Variants in KCNAB1 observed in about 807,000 individuals in gnomAD.
KCNAB1 encodes voltage-gated potassium channel subunit beta-1.
In KCNAB1, 35 loss-of-function variants were observed where a neutral mutation model predicts 64.6. The observed-to-expected ratio is 0.54, with a 90% CI of 0.41 to 0.72. The LOEUF is 0.72. KCNAB1 is among the 30% of genes least tolerant of loss of function. The pLI is 0.00. For synonymous variants in KCNAB1, 177 were observed against 183.8 expected (o/e 0.96, Z 0.30); for missense variants, 401 against 512.9 (o/e 0.78, Z 2.11).
At chr3:156,364,531 C>A (rs140215626) in intron 1 of KCNAB1, among the ~76,000 whole-genome samples, 119 of 152,270 alleles carry the variant, frequency 7.8e-4, no homozygotes, top group African/African-American at 2.7e-3. Context: ...GTAATCCCAG[C>A]ACTTTGAGAG....
intron 7 of KCNAB1, among the ~76,000 whole-genome samples, chr3:156,469,345 C>T (rs1713700241): frequency 6.7e-6 from 1 of 149,762 alleles, no homozygotes; most frequent in Admixed American, 6.7e-5. Flanking sequence ...CAACCTCCGC[C>T]TCCAGGGTTC....
At chr3:156,513,054 T>C (rs1717318314) in intron 8 of KCNAB1, among the ~76,000 whole-genome samples, 1 of 152,036 alleles carries the variant, frequency 6.6e-6, no homozygotes, top group Non-Finnish European at 1.5e-5. Context: ...CTACCAAAAA[T>C]ACAAAAAGTT....
At chr3:156,387,592 T>C (rs1712713311) in intron 1 of KCNAB1, among the ~76,000 whole-genome samples, 1 of 152,256 alleles carries the variant, frequency 6.6e-6, no homozygotes, top group South Asian at 2.1e-4. Flanking sequence ...AGATTGATTC[T>C]CATTTTTAAT....
intron 1 of KCNAB1, among the ~76,000 whole-genome samples, chr3:156,327,160 C>T (rs903181685): frequency 2.0e-5 from 3 of 152,186 alleles, no homozygotes; most frequent in African/African-American, 4.8e-5. Flanking sequence ...AGCCCACTGA[C>T]ATATTCAATA....
At position 156,241,844 on chromosome 3, in the gene KCNAB1, A is replaced by C. The variant is rs1207349443; in HGVS notation, c.275+120958A>C. Among the ~76,000 whole-genome samples, 4 of 152,156 alleles carry C rather than the reference A, an allele frequency of 2.6e-5. No homozygotes were observed. In the South Asian group the frequency reaches 6.2e-4, roughly 24 times the overall value. ...TCTAAGAAAAGGTGACTGGGAAATAAATTTTTAAAAACCTTGTGTGTCTGA... is the reference window on the plus strand; with the variant it reads ...TCTAAGAAAAGGTGACTGGGAAATACATTTTTAAAAACCTTGTGTGTCTGA... On this transcript the variant is annotated intron_variant, in intron 1 of 13. Coordinates refer to ENST00000490337, the MANE Select transcript of KCNAB1 (RefSeq NM_172160.3).
intron 8 of KCNAB1, among the ~76,000 whole-genome samples, chr3:156,487,875 C>T (rs1024721751): frequency 6.7e-6 from 1 of 148,594 alleles, no homozygotes; most frequent in Non-Finnish European, 1.5e-5. Context: ...TAAAACTTAA[C>T]AAAAAGCCAA....
At chr3:156,299,624 C>T (rs1721022501) in intron 1 of KCNAB1, among the ~76,000 whole-genome samples, 1 of 152,194 alleles carries the variant, frequency 6.6e-6, no homozygotes, top group Non-Finnish European at 1.5e-5. Flanking sequence ...AAGCTTGCTC[C>T]TGAAAGTCGA....
intron 1 of KCNAB1, among the ~76,000 whole-genome samples, chr3:156,393,398 C>T (rs1713186979): frequency 6.6e-6 from 1 of 152,198 alleles, no homozygotes; most frequent in Non-Finnish European, 1.5e-5. Context: ...TCAGGATGCC[C>T]TCCTTCTCCC....
intron 1 of KCNAB1, among the ~76,000 whole-genome samples, chr3:156,183,356 AC>A (rs1169032292): frequency 6.6e-6 from 1 of 152,210 alleles, no homozygotes; most frequent in African/African-American, 2.4e-5. Context: ...CATTGAGGCC[AC>A]GGGATTCGGT....
chr3:156,507,969 A>G (rs1474394104), intron 8 of KCNAB1, among the ~76,000 whole-genome samples: 1 of 152,212 alleles, frequency 6.6e-6, no homozygotes, highest in African/African-American at 2.4e-5. Context: ...TTGTTAGATA[A>G]TCATTCTTCT....
In KCNAB1 at chr3:156,457,345, G is replaced by A. The variant is rs1207326488; in HGVS notation, c.358-108G>A. Reference sequence around the variant, plus strand: ...CCACTAAAACTAAGAAAAATAAGGAGTGGTTAGTGAGAGGTCAGTGTTCCT... The same window carrying A: ...CCACTAAAACTAAGAAAAATAAGGAATGGTTAGTGAGAGGTCAGTGTTCCT... On this transcript the variant is annotated intron_variant, in intron 3 of 13. Coordinates refer to ENST00000490337, the MANE Select transcript of KCNAB1 (RefSeq NM_172160.3). 7.7e-6 allele frequency: 12 copies of A among 1,548,954 alleles called. No individual in the cohort carries two copies. The Admixed American group carries it at 2.0e-4, about 25-fold the overall frequency.
chr3:156,132,229 C>T lies in KCNAB1; in HGVS notation c.275+11343C>T, dbSNP rs192040494. ...TTCAAACTGGACCCCTTGACCTGAC[C>T]TTTCCTGAGCCACATGGTGGGTCAA... is the stretch of plus-strand genomic sequence containing the variant. On this transcript the variant is annotated intron_variant, in intron 1 of 13. Transcript: ENST00000490337. 2.0e-4 allele frequency among the ~76,000 whole-genome samples: 31 copies of T among 152,278 alleles called. No homozygotes were observed. In the East Asian group the frequency reaches 5.8e-3, roughly 28 times the overall value.
intron 1 of KCNAB1, among the ~76,000 whole-genome samples, chr3:156,290,292 T>C (rs1720328706): frequency 6.6e-6 from 1 of 152,238 alleles, no homozygotes; most frequent in Non-Finnish European, 1.5e-5. Context: ...TTCTCCATAT[T>C]GATCTTCATT....
intron 1 of KCNAB1, among the ~76,000 whole-genome samples, chr3:156,360,468 G>A (rs556268313): frequency 3.9e-5 from 6 of 152,226 alleles, no homozygotes; most frequent in East Asian, 1.9e-4. Flanking sequence ...CCAGTGCTTC[G>A]GAAGGCTGAG....
At chr3:156,470,616 C>T (rs1264644108) in intron 7 of KCNAB1, among the ~76,000 whole-genome samples, 2 of 152,200 alleles carry the variant, frequency 1.3e-5, no homozygotes, top group Non-Finnish European at 2.9e-5. Flanking sequence ...ATTCCAACAG[C>T]CAAAAGCTGT....
intron 1 of KCNAB1, among the ~76,000 whole-genome samples, chr3:156,243,309 C>G (rs1025676614): frequency 5.3e-5 from 8 of 152,176 alleles, no homozygotes; most frequent in Non-Finnish European, 1.0e-4. Flanking sequence ...ACTGCAACCC[C>G]CACCTCCTGG....
At chr3:156,229,226 C>T (rs1716370548) in intron 1 of KCNAB1, among the ~76,000 whole-genome samples, 1 of 152,200 alleles carries the variant, frequency 6.6e-6, no homozygotes, top group African/African-American at 2.4e-5. Flanking sequence ...CGTGGTTCTG[C>T]AGGCTGTACA....
chr3:156,452,210 G>A lies in KCNAB1; in HGVS notation c.320-689G>A, dbSNP rs1173929292. On this transcript the variant is annotated intron_variant, in intron 2 of 13. Transcript: ENST00000490337. The surrounding 1 kb of genome is among the most constrained non-coding windows in gnomAD (Gnocchi z 4.6). ...GTGCCTGGAGACCAGCATAGCAAGT[G>A]CCCACTCCACTTCAGCTTCCCTTCT... Among the ~76,000 whole-genome samples the A allele has an allele frequency of 2.0e-5, 3 of 152,106 alleles. No individual in the cohort carries two copies. The East Asian group carries it at 5.8e-4, about 29-fold the overall frequency.
At chr3:156,457,333 G>T in intron 3 of KCNAB1, 120 bp from the exon 4 acceptor site, 2 of 1,521,202 alleles carry the variant, frequency 1.3e-6, no homozygotes, top group Non-Finnish European at 1.8e-6. Context: ...CTAAAACTAA[G>T]AAAAATAAGG....
Sources: allele counts gnomAD v4.1 joint callset (sites outside exome capture counted in the v4.1 genomes callset), GRCh38; gene constraint gnomAD v4.1.1; non-coding constraint Gnocchi (gnomAD v3.1); transcripts MANE v1.5; gene names NCBI Gene and HGNC (gene_info 2026-07-23, HGNC 2026-07-21).